Variants in TANGO6 observed in about 807,000 individuals in gnomAD.
TANGO6 encodes the protein transport and golgi organization 6 homolog.
In TANGO6, 90 loss-of-function variants were observed where a neutral mutation model predicts 114.2. That is an observed-to-expected ratio of 0.79 (90% CI 0.66 to 0.94). The LOEUF (loss-of-function observed/expected upper bound fraction) is 0.94, where lower values mean the gene tolerates loss of function less well. Ranked by LOEUF, TANGO6 falls within the 40% of genes least tolerant of loss-of-function variation. The probability of loss-of-function intolerance (pLI) is 0.00; values close to 1 mark genes in which losing one functional copy is unlikely to be tolerated. For synonymous variants in TANGO6, 477 were observed against 509.8 expected (o/e 0.94, Z 0.87); for missense variants, 1,274 against 1,315.3 (o/e 0.97, Z 0.49).
intron 14 of TANGO6, among the ~76,000 whole-genome samples, chr16:68,939,600 T>A: frequency 6.7e-6 from 1 of 148,272 alleles, no homozygotes. Context: ...TTTTTTGCCA[T>A]AAAGCATGGA....
chr16:69,072,081 A>G (rs1567570621), intron 17 of TANGO6, among the ~76,000 whole-genome samples: 1 of 94,670 alleles, frequency 1.1e-5, no homozygotes, highest in African/African-American at 5.1e-5. Flanking sequence ...AGAGAGGGAG[A>G]CCGTGTGTGT....
chr16:69,049,738 CTTTT>C (rs999346593), intron 17 of TANGO6, among the ~76,000 whole-genome samples: 1 of 146,240 alleles, frequency 6.8e-6, no homozygotes, highest in African/African-American at 2.5e-5. Context: ...CTATGTCTGG[CTTTT>C]TTTTTTTCTT....
At chr16:68,880,677 A>AT (rs748458543) in intron 7 of TANGO6, 47 bp downstream of exon 7, 45 of 1,423,060 alleles carry the variant, frequency 3.2e-5, no homozygotes, top group East Asian at 5.1e-5. Context: ...CTTATTTAAA[A>AT]TTTTTTTTAA....
intron 17 of TANGO6, among the ~76,000 whole-genome samples, chr16:69,068,570 C>T (rs1345246822): frequency 6.6e-6 from 1 of 152,204 alleles, no homozygotes; most frequent in African/African-American, 2.4e-5. Flanking sequence ...AGATTTACTG[C>T]ATGTTAGGCT....
At chr16:69,020,483 G>A (rs1567559933) in intron 15 of TANGO6, among the ~76,000 whole-genome samples, 1 of 152,214 alleles carries the variant, frequency 6.6e-6, no homozygotes, top group African/African-American at 2.4e-5. Flanking sequence ...TAAGCACAAA[G>A]TATTGTGAGA....
intron 2 of TANGO6, among the ~76,000 whole-genome samples, chr16:68,862,653 G>A (rs1163895293): frequency 1.3e-5 from 2 of 152,224 alleles, no homozygotes; most frequent in African/African-American, 4.8e-5. Context: ...TCAAAAGACA[G>A]AAGAGGAATG....
rs140004795 is a variant in TANGO6, at chr16:69,053,791, C to T, written c.3108+13370C>T. On this transcript the variant is annotated intron_variant, in intron 17 of 17. Coordinates refer to ENST00000261778, the MANE Select transcript of TANGO6 (RefSeq NM_024562.2). ...AAAGAATCTTAGTCTCGGCCAGGCA[C>T]GGTGGCTCACGCCTGTAATCCTAGC... is the stretch of plus-strand genomic sequence containing the variant. Among the ~76,000 whole-genome samples the T allele has an allele frequency of 8.9e-3, 1,357 of 152,194 alleles. 13 individuals are homozygous for T. The highest frequency in any genetic ancestry group is 0.013 in the Non-Finnish European group (862 of 67,998).
chr16:68,845,620 C>G (rs1961791077), intron 1 of TANGO6, among the ~76,000 whole-genome samples: 1 of 152,008 alleles, frequency 6.6e-6, no homozygotes, highest in South Asian at 2.1e-4. Context: ...GAGGCTGAGG[C>G]AGGATCCCAG....
intron 14 of TANGO6, among the ~76,000 whole-genome samples, chr16:68,955,504 A>G (rs963790385): frequency 3.3e-5 from 5 of 152,192 alleles, no homozygotes; most frequent in Non-Finnish European, 5.9e-5. Flanking sequence ...TCTTTCACTC[A>G]TACTTATTAG....
chr16:68,909,123 A>C (rs1962889236), intron 10 of TANGO6, 88 bp from the exon 11 acceptor site: 2 of 1,071,554 alleles, frequency 1.9e-6, no homozygotes, highest in African/African-American at 1.6e-5. Context: ...TTAAACATGC[A>C]GTTCAAACAG....
chr16:68,971,395 GAGTAGCTAGGACTAC>G (rs1332731714), intron 14 of TANGO6, among the ~76,000 whole-genome samples: 1 of 151,266 alleles, frequency 6.6e-6, no homozygotes, highest in Non-Finnish European at 1.5e-5. Flanking sequence ...CTCGGCCTCC[GAGTAGCTAGGACTAC>G]AGGCACACAT....
intron 17 of TANGO6, among the ~76,000 whole-genome samples, chr16:69,078,039 T>C (rs1451728493): frequency 1.3e-5 from 2 of 152,112 alleles, no homozygotes; most frequent in African/African-American, 4.8e-5. Context: ...GCAGGAAGAC[T>C]TACCTAGGTG....
At chr16:68,911,330 A>C (rs899798685) in intron 11 of TANGO6, among the ~76,000 whole-genome samples, 1 of 152,008 alleles carries the variant, frequency 6.6e-6, no homozygotes, top group African/African-American at 2.4e-5. Context: ...TAAAAAATAG[A>C]TATTTCCAGC....
At chr16:69,043,077 G>A (rs1959797395) in intron 17 of TANGO6, among the ~76,000 whole-genome samples, 1 of 152,022 alleles carries the variant, frequency 6.6e-6, no homozygotes, top group Admixed American at 6.6e-5. Flanking sequence ...ATACAAAAAA[G>A]TAGCCAGGTG....
intron 17 of TANGO6, among the ~76,000 whole-genome samples, chr16:69,061,334 G>T (rs1271542790): frequency 2.0e-5 from 3 of 152,090 alleles, no homozygotes; most frequent in African/African-American, 7.2e-5. Flanking sequence ...GGAGGGCGAG[G>T]CAGGTGGATC....
chr16:69,032,546 G>A (rs995690083), intron 16 of TANGO6, among the ~76,000 whole-genome samples: 4 of 151,972 alleles, frequency 2.6e-5, no homozygotes, highest in Non-Finnish European at 5.9e-5. Flanking sequence ...AGGATTACAG[G>A]TATGAGCCAC....
chr16:69,039,894 T>A (rs1470883576), intron 16 of TANGO6, among the ~76,000 whole-genome samples: 2 of 152,216 alleles, frequency 1.3e-5, no homozygotes, highest in African/African-American at 4.8e-5. Context: ...TCTCCTTAGC[T>A]AAATCCCCAT....
At chr16:68,847,889 A>C (rs1340397799) in intron 1 of TANGO6, among the ~76,000 whole-genome samples, 1 of 151,536 alleles carries the variant, frequency 6.6e-6, no homozygotes, top group Non-Finnish European at 1.5e-5. Flanking sequence ...AGTCCCAGCT[A>C]CTCGGGAGGC....
intron 1 of TANGO6, among the ~76,000 whole-genome samples, chr16:68,857,889 T>C (rs1962025266): frequency 6.6e-6 from 1 of 152,204 alleles, no homozygotes; most frequent in Admixed American, 6.5e-5. Context: ...TAATTTTCTT[T>C]TTTGTGATTT....
Sources: allele counts gnomAD v4.1 joint callset (sites outside exome capture counted in the v4.1 genomes callset), GRCh38; gene constraint gnomAD v4.1.1; transcripts MANE v1.5; gene names NCBI Gene and HGNC (gene_info 2026-07-23, HGNC 2026-07-21).